AK5: variants seen among roughly 807,000 people sequenced by gnomAD.
The protein encoded by AK5 is adenylate kinase 5, also known as adenylate kinase isoenzyme 5.
A neutral mutation model predicts 69.5 loss-of-function variants in AK5; 27 were observed. That is an observed-to-expected ratio of 0.39 (90% confidence interval 0.29 to 0.54). The LOEUF (loss-of-function observed/expected upper bound fraction) is 0.54, where lower values mean the gene tolerates loss of function less well. Among genes scored for constraint, AK5 ranks in the 20% least tolerant of loss-of-function variants. The pLI is 0.71. For synonymous variants in AK5, 260 were observed against 244.4 expected, an observed-to-expected ratio of 1.06 and a Z score of -0.60; for missense variants, 531 against 700.4, an observed-to-expected ratio of 0.76 and a Z score of 2.73.
chr1:77,367,946 T>TTATATA (rs71075736), intron 6 of AK5, among the ~76,000 whole-genome samples: 85 of 39,078 alleles, frequency 2.2e-3, no homozygotes, highest in Non-Finnish European at 4.1e-3. Context: ...AATATATATG[T>TTATATA]TATATATATA....
At chr1:77,513,899 T>TGATGCA (rs1553159532) in intron 10 of AK5, among the ~76,000 whole-genome samples, 1 of 152,078 alleles carries the variant, frequency 6.6e-6, no homozygotes, top group Non-Finnish European at 1.5e-5. Flanking sequence ...CATGCCGAGG[T>TGATGCA]GATGCAGATG....
At chr1:77,455,752 C>T (rs531760984) in intron 8 of AK5, among the ~76,000 whole-genome samples, 1 of 152,262 alleles carries the variant, frequency 6.6e-6, no homozygotes, top group South Asian at 2.1e-4. Context: ...ACCGGGTGAG[C>T]TGTAAAACCT....
intron 8 of AK5, among the ~76,000 whole-genome samples, chr1:77,441,699 T>A (rs1325158708): frequency 6.6e-6 from 1 of 152,160 alleles, no homozygotes; most frequent in African/African-American, 2.4e-5. Context: ...TTCCCCACAA[T>A]GGGGACACTT....
intron 2 of AK5, among the ~76,000 whole-genome samples, chr1:77,287,797 G>A (rs114932953): frequency 0.018 from 2,692 of 152,270 alleles, 77 homozygotes; most frequent in African/African-American, 0.06. Flanking sequence ...GATTGGTTAC[G>A]GTTCAGCATT....
rs1438525456 is a variant in AK5, at chr1:77,473,648, AAAG to A, written c.1060-9665_1060-9663del. Among the ~76,000 whole-genome samples, 5 of 152,300 alleles carry A rather than the reference AAAG, an allele frequency of 3.3e-5. No individual in the cohort carries two copies. The East Asian group carries it at 9.6e-4, about 29-fold the overall frequency. ...TCACTATTTTTACTATATTTTGAAA[AAAG>A]AAGCTGTCTTCTTATATTCATCATT... On this transcript the variant is annotated intron_variant, in intron 8 of 13. Coordinates refer to ENST00000354567, the MANE Select transcript of AK5 (RefSeq NM_174858.3).
chr1:77,532,354 C>G (rs1190282578), intron 12 of AK5: 1 of 152,468 alleles, frequency 6.6e-6, no homozygotes. Flanking sequence ...AGTAGGCACC[C>G]CACCCCACTC....
Position 77,417,622 on chromosome 1 carries a change from T to G in AK5, c.983-17T>G. 6.4e-7 allele frequency: 1 copy of G among 1,560,592 alleles called. No homozygotes were observed. The highest frequency in any genetic ancestry group is 8.8e-7 in the Non-Finnish European group (1 of 1,133,218). On this transcript the variant is annotated splice_polypyrimidine_tract_variant and intron_variant, in intron 7 of 13. Transcript: ENST00000354567. The stretch of plus-strand genomic sequence containing the variant: ...TAGACAACCTCCATCCACTTATCTT[T>G]TCTTTCCTAATCTTAGGTTCAAGTG...
intron 5 of AK5, among the ~76,000 whole-genome samples, chr1:77,322,771 A>G (rs1376496520): frequency 1.3e-5 from 2 of 152,124 alleles, no homozygotes; most frequent in African/African-American, 4.8e-5. Flanking sequence ...AAGCAATAAA[A>G]AAGGTCGATC....
chr1:77,434,373 A>G (rs76973003), intron 8 of AK5, among the ~76,000 whole-genome samples: 184 of 152,258 alleles, frequency 1.2e-3, no homozygotes, highest in African/African-American at 4.3e-3. Flanking sequence ...AAGTAAACCT[A>G]ATCATTTAAT....
At chr1:77,308,090 A>G (rs1659742582) in intron 5 of AK5, among the ~76,000 whole-genome samples, 1 of 152,106 alleles carries the variant, frequency 6.6e-6, no homozygotes, top group South Asian at 2.1e-4. Context: ...CTCGACTGTA[A>G]AGGAGGTGGG....
At chr1:77,391,477 G>GTGTA (rs201658908) in intron 6 of AK5, among the ~76,000 whole-genome samples, 25,087 of 68,494 alleles carry the variant, frequency 0.37, 4,474 homozygotes, top group Non-Finnish European at 0.42. Flanking sequence ...ACATATGTGT[G>GTGTA]TGTGTATGTG....
At chr1:77,408,898 T>C (rs1007498410) in intron 6 of AK5, among the ~76,000 whole-genome samples, 4 of 152,196 alleles carry the variant, frequency 2.6e-5, no homozygotes, top group Admixed American at 1.3e-4. Context: ...TATTTTCTGC[T>C]TCTCTGCCTC....
chr1:77,339,268 T>G lies in AK5; in HGVS notation c.700-1109T>G, dbSNP rs560368700. Among the ~76,000 whole-genome samples, 3 of 152,358 alleles carry G rather than the reference T, an allele frequency of 2.0e-5. No individual in the cohort carries two copies. The South Asian group carries it at 6.2e-4, about 32-fold the overall frequency. On this transcript the variant is annotated intron_variant, in intron 5 of 13. Coordinates refer to ENST00000354567, the MANE Select transcript of AK5 (RefSeq NM_174858.3). ...AGTAAAACACTTTGGAGATTATTGC[T>G]TCAAACCACTATGCAAACTGTCTTT...
At chr1:77,317,302 G>A (rs935166805) in intron 5 of AK5, among the ~76,000 whole-genome samples, 1 of 152,162 alleles carries the variant, frequency 6.6e-6, no homozygotes, top group Non-Finnish European at 1.5e-5. Flanking sequence ...CCAGAAGGAA[G>A]CCCTATCACC....
intron 6 of AK5, among the ~76,000 whole-genome samples, chr1:77,374,094 C>T (rs780340323): frequency 1.3e-5 from 2 of 152,096 alleles, no homozygotes; most frequent in African/African-American, 4.8e-5. Flanking sequence ...GCTCATAGTC[C>T]GTAAGAACTC....
chr1:77,367,788 T>TATATATATTATATA (rs1491156565), intron 6 of AK5, among the ~76,000 whole-genome samples: 3,174 of 8,432 alleles, frequency 0.38, 1,285 homozygotes, highest in Middle Eastern at 0.58. Context: ...TAATATATGT[T>TATATATATTATATA]ATATATGTTA....
intron 8 of AK5, among the ~76,000 whole-genome samples, chr1:77,469,669 C>T (rs979182428): frequency 1.4e-4 from 21 of 152,224 alleles, no homozygotes; most frequent in Admixed American, 5.2e-4. Context: ...TGATCTGGGA[C>T]GGCCTCAGCT....
intron 10 of AK5, among the ~76,000 whole-genome samples, chr1:77,491,947 T>C (rs1480481153): frequency 6.6e-6 from 1 of 152,214 alleles, no homozygotes; most frequent in East Asian, 1.9e-4. Context: ...TGCCTGTTGT[T>C]TTTGTTTTTT....
At position 77,438,315 on chromosome 1, in the gene AK5, AAAAAAAAAAC is replaced by A. The variant is rs1314642321; in HGVS notation, c.1059+20603_1059+20612del. On this transcript the variant is annotated intron_variant, in intron 8 of 13. Coordinates refer to ENST00000354567, the MANE Select transcript of AK5 (RefSeq NM_174858.3). The stretch of plus-strand genomic sequence containing the variant: ...GGTACAAAAAAAAAAAAAAAAAAAA[AAAAAAAAAAC>A]AAGCTTGGGGAGTTCAAATAACGCC... 6.1e-5 allele frequency among the ~76,000 whole-genome samples: 9 copies of A among 147,552 alleles called. 1 individual carries two copies. Among genetic ancestry groups the A allele is most frequent in the Non-Finnish European group, 1.0e-4 (7 of 66,766 alleles).
Sources: gnomAD v4.1 joint callset for allele counts (sites outside exome capture counted in the v4.1 genomes callset) on GRCh38, gnomAD v4.1.1 for gene constraint, MANE v1.5 for transcripts, NCBI Gene and HGNC (gene_info 2026-07-23, HGNC 2026-07-21) for gene names.